CDH2: variants seen among roughly 807,000 people sequenced by gnomAD.
CDH2 encodes the protein cadherin-2.
CDH2 carries 17 observed loss-of-function variants against 92.0 expected under a neutral mutation model. That is an observed-to-expected ratio of 0.18 (90% CI 0.13 to 0.28). CDH2 has a LOEUF of 0.28. CDH2 is among the 10% of genes least tolerant of loss of function. The pLI is 1.00. For synonymous variants in CDH2, 419 were observed against 415.9 expected, an observed-to-expected ratio of 1.01 and a Z score of -0.09; for missense variants, 862 against 1,133.1, an observed-to-expected ratio of 0.76 and a Z score of 3.44.
chr18:28,019,246 C>T (rs1678284746), intron 2 of CDH2, among the ~76,000 whole-genome samples: 1 of 151,674 alleles, frequency 6.6e-6, no homozygotes, highest in Admixed American at 6.6e-5. Context: ...CACTAAAAAA[C>T]TTATTCATGG....
chr18:28,121,037 AC>A (rs1376152783), intron 2 of CDH2, among the ~76,000 whole-genome samples: 4 of 152,288 alleles, frequency 2.6e-5, no homozygotes, highest in Middle Eastern at 3.4e-3. Flanking sequence ...CATGGAAACC[AC>A]AGTGAAACAC....
At chr18:27,933,627 T>C (rs964369280) in intron 6 of CDH2, among the ~76,000 whole-genome samples, 1 of 152,200 alleles carries the variant, frequency 6.6e-6, no homozygotes, top group Admixed American at 6.6e-5. Context: ...AAAAGTAGTC[T>C]TGAGGCCCAA....
intron 2 of CDH2, among the ~76,000 whole-genome samples, chr18:28,046,486 G>A (rs375518631): frequency 2.6e-5 from 4 of 152,124 alleles, no homozygotes; most frequent in Non-Finnish European, 2.9e-5. Context: ...TTGGCATAAA[G>A]TGATGCTTTG....
intron 6 of CDH2, among the ~76,000 whole-genome samples, chr18:27,939,530 T>C (rs547864433): frequency 4.5e-4 from 69 of 152,246 alleles, no homozygotes; most frequent in African/African-American, 1.6e-3. Context: ...AACTTTCCCA[T>C]GCTGTTATTT....
intron 2 of CDH2, among the ~76,000 whole-genome samples, chr18:28,113,061 T>A (rs895201410): frequency 6.6e-6 from 1 of 152,160 alleles, no homozygotes; most frequent in African/African-American, 2.4e-5. Context: ...TCAATACAAC[T>A]GATATTTATC....
chr18:28,109,836 C>T (rs1005407961), intron 2 of CDH2, among the ~76,000 whole-genome samples: 7 of 152,184 alleles, frequency 4.6e-5, no homozygotes, highest in African/African-American at 1.4e-4. Flanking sequence ...TAACAAAAAG[C>T]ACATAGTGTC....
intron 2 of CDH2, among the ~76,000 whole-genome samples, chr18:28,065,500 A>G (rs2144155252): frequency 6.6e-6 from 1 of 152,276 alleles, no homozygotes; most frequent in Middle Eastern, 3.4e-3. Flanking sequence ...TCAACAATAT[A>G]TGCTTCCATC....
chr18:28,002,768 T>A (rs1298555931), intron 7 of CDH2, among the ~76,000 whole-genome samples: 1 of 152,184 alleles, frequency 6.6e-6, no homozygotes, highest in Non-Finnish European at 1.5e-5. Context: ...GCTTAGTCAG[T>A]GTCACATTAA....
rs929242203 is a variant in CDH2, at chr18:28,050,768, A to T, written c.173-36859T>A. Among the ~76,000 whole-genome samples the T allele has an allele frequency of 2.0e-5, 3 of 152,190 alleles. No homozygotes were observed. The South Asian group carries it at 6.2e-4, about 31-fold the overall frequency. On this transcript the variant is annotated intron_variant, in intron 2 of 15. Transcript: ENST00000269141. ...CCCCCAGATGGTCCACTTGACAAGGAGAGGCCTCTGGGGATGCCTGAAAGC... is the reference window on the plus strand; with the variant it reads ...CCCCCAGATGGTCCACTTGACAAGGTGAGGCCTCTGGGGATGCCTGAAAGC...
intron 2 of CDH2, among the ~76,000 whole-genome samples, chr18:28,145,345 C>A (rs889469445): frequency 6.6e-6 from 1 of 152,004 alleles, no homozygotes; most frequent in African/African-American, 2.4e-5. Flanking sequence ...TGTCACATAC[C>A]TCTTATGTAC....
chr18:28,022,892 T>C (rs773897684), intron 2 of CDH2, among the ~76,000 whole-genome samples: 10 of 152,136 alleles, frequency 6.6e-5, no homozygotes, highest in Non-Finnish European at 1.0e-4. Context: ...ATATGGCCTT[T>C]GCAATTTTCA....
At chr18:28,072,723 C>T (rs1292157233) in intron 2 of CDH2, among the ~76,000 whole-genome samples, 1 of 152,202 alleles carries the variant, frequency 6.6e-6, no homozygotes, top group African/African-American at 2.4e-5. Flanking sequence ...TATTCCAATG[C>T]TTTATTTTTC....
At chr18:28,125,936 A>T (rs1414704372) in intron 2 of CDH2, among the ~76,000 whole-genome samples, 1 of 152,218 alleles carries the variant, frequency 6.6e-6, no homozygotes, top group Non-Finnish European at 1.5e-5. Context: ...AAAATAGTAT[A>T]AAAATTTAGA....
chr18:27,936,008 G>A lies in CDH2; in HGVS notation c.1152-2884C>T, dbSNP rs187969484. On this transcript the variant is annotated intron_variant, in intron 6 of 6. Transcript: ENST00000675173. ...ATTCTGTTGCACTATAAACACAACT[G>A]TAATATTGACAGAAAATAGATCATC... Among the ~76,000 whole-genome samples, 4 of 152,236 alleles carry A rather than the reference G, an allele frequency of 2.6e-5. 1 individual carries two copies. The highest frequency in any genetic ancestry group is 2.6e-4 in the Admixed American group (4 of 15,292).
At chr18:28,136,496 T>C (rs2015864861) in intron 2 of CDH2, among the ~76,000 whole-genome samples, 1 of 151,990 alleles carries the variant, frequency 6.6e-6, no homozygotes, top group Admixed American at 6.6e-5. Flanking sequence ...TCTGGTGAAA[T>C]AAATATTCAA....
chr18:28,101,146 C>G (rs184612658), intron 2 of CDH2, among the ~76,000 whole-genome samples: 1 of 152,158 alleles, frequency 6.6e-6, no homozygotes, highest in Non-Finnish European at 1.5e-5. Flanking sequence ...AACACAGATA[C>G]TGCTAATGAC....
At chr18:27,964,738 G>A (rs2011495196) in intron 14 of CDH2, among the ~76,000 whole-genome samples, 1 of 152,150 alleles carries the variant, frequency 6.6e-6, no homozygotes, top group Non-Finnish European at 1.5e-5. Context: ...TAAGAGATGA[G>A]AAAACTGAGT....
chr18:27,934,390 G>A (rs1454415489), intron 6 of CDH2, among the ~76,000 whole-genome samples: 1 of 152,106 alleles, frequency 6.6e-6, no homozygotes, highest in Non-Finnish European at 1.5e-5. Context: ...ACCAATGAAG[G>A]TTCCATTACT....
At chr18:28,138,033 T>C (rs190420979) in intron 2 of CDH2, among the ~76,000 whole-genome samples, 1 of 152,152 alleles carries the variant, frequency 6.6e-6, no homozygotes, top group East Asian at 1.9e-4. Flanking sequence ...AATGTGTGTG[T>C]GTCTGGATGT....
Sources: allele counts gnomAD v4.1 joint callset (sites outside exome capture counted in the v4.1 genomes callset), GRCh38; gene constraint gnomAD v4.1.1; transcripts MANE v1.5; gene names NCBI Gene and HGNC (gene_info 2026-07-23, HGNC 2026-07-21).